The following CAST variants were observed in gnomAD, a reference collection of about 807,000 sequenced individuals.
CAST encodes the protein MIR583 host.
In CAST, 76 loss-of-function variants were observed where a neutral mutation model predicts 119.6. The ratio of observed to expected loss-of-function variants is 0.64; its 90% CI spans 0.53 to 0.77. The LOEUF (loss-of-function observed/expected upper bound fraction) is 0.77, where lower values mean the gene tolerates loss of function less well. Ranked by LOEUF, CAST falls within the 30% of genes least tolerant of loss-of-function variation. The pLI is 0.00. For missense variants in CAST, 953 were observed against 946.5 expected (o/e 1.01, Z -0.09); for synonymous variants, 319 against 331.6 (o/e 0.96, Z 0.41).
the CAST span, among the ~76,000 whole-genome samples, chr5:96,476,269 T>C: frequency 6.6e-6 from 1 of 152,350 alleles, no homozygotes; most frequent in African/African-American, 2.4e-5. Flanking sequence ...TCCATTAGAA[T>C]TATTTTTATT....
At chr5:96,251,096 A>G in the CAST span, among the ~76,000 whole-genome samples, 2 of 152,172 alleles carry the variant, frequency 1.3e-5, no homozygotes. Flanking sequence ...CAGAGCCAAT[A>G]ATCTTAATAT....
intron 3 of CAST, among the ~76,000 whole-genome samples, chr5:96,709,223 G>A (rs1054458408): frequency 3.9e-5 from 6 of 152,242 alleles, no homozygotes; most frequent in African/African-American, 1.4e-4. Flanking sequence ...CTGGACAGGT[G>A]GGCAGTTGTC....
At chr5:96,524,870 G>A (rs1745574324), upstream of CAST, among the ~76,000 whole-genome samples, 1 of 152,162 alleles carries the variant, frequency 6.6e-6, no homozygotes, top group Non-Finnish European at 1.5e-5. Flanking sequence ...GCTATAAAGG[G>A]TAGAGCTCAA....
intron 1 of CAST, among the ~76,000 whole-genome samples, chr5:96,540,060 T>C (rs1010731339): frequency 1.1e-4 from 17 of 152,164 alleles, no homozygotes; most frequent in African/African-American, 3.9e-4. Flanking sequence ...ATATGTGTAG[T>C]ATAAGAATCT....
At chr5:96,476,927 CAAA>C in the CAST span, among the ~76,000 whole-genome samples, 20 of 132,114 alleles carry the variant, frequency 1.5e-4, no homozygotes, top group Non-Finnish European at 2.1e-4. Flanking sequence ...ATGTGGATGG[CAAA>C]AAAAAAAAAA....
chr5:96,352,365 G>A, the CAST span, among the ~76,000 whole-genome samples: 40 of 152,206 alleles, frequency 2.6e-4, no homozygotes, highest in Admixed American at 3.3e-4. Context: ...ATTTGCTTAC[G>A]TTTCATTGCT....
intron 1 of CAST, among the ~76,000 whole-genome samples, chr5:96,611,515 A>C (rs1220744920): frequency 6.6e-6 from 1 of 152,130 alleles, no homozygotes; most frequent in Non-Finnish European, 1.5e-5. Context: ...ACTACAAGAA[A>C]GCCTACAAAA....
the CAST span, among the ~76,000 whole-genome samples, chr5:96,286,247 C>G: frequency 6.6e-6 from 1 of 152,190 alleles, no homozygotes; most frequent in Admixed American, 6.5e-5. Context: ...AGTAACAGTT[C>G]ATTATCTCTC....
the CAST span, among the ~76,000 whole-genome samples, chr5:96,031,584 A>T: frequency 6.6e-6 from 1 of 152,208 alleles, no homozygotes; most frequent in African/African-American, 2.4e-5. Context: ...TTTTATTTTC[A>T]GAACGAGTCC....
chr5:96,313,409 TATC>T, the CAST span, among the ~76,000 whole-genome samples: 2 of 152,154 alleles, frequency 1.3e-5, no homozygotes, highest in African/African-American at 4.8e-5. Flanking sequence ...CTTTTCCAAA[TATC>T]ATATAAATTG....
chr5:96,068,440 C>T, the CAST span, among the ~76,000 whole-genome samples: 1 of 152,050 alleles, frequency 6.6e-6, no homozygotes, highest in Non-Finnish European at 1.5e-5. Context: ...CCTACTGCCT[C>T]ACATTTTTCA....
At chr5:96,301,724 C>T in the CAST span, among the ~76,000 whole-genome samples, 3 of 152,340 alleles carry the variant, frequency 2.0e-5, no homozygotes, top group East Asian at 1.9e-4. Context: ...GTCTCACATC[C>T]GGCCACACTG....
the CAST span, among the ~76,000 whole-genome samples, chr5:96,195,255 T>C: frequency 6.6e-6 from 1 of 152,184 alleles, no homozygotes; most frequent in Non-Finnish European, 1.5e-5. Flanking sequence ...TCATTAGGAA[T>C]GTGGATGGAG....
chr5:96,365,322 T>C, the CAST span, among the ~76,000 whole-genome samples: 1 of 152,248 alleles, frequency 6.6e-6, no homozygotes, highest in Admixed American at 6.5e-5. Flanking sequence ...TGAAGAGTTC[T>C]GTAGATGTCT....
chr5:96,245,312 A>C, the CAST span, among the ~76,000 whole-genome samples: 1 of 152,220 alleles, frequency 6.6e-6, no homozygotes, highest in African/African-American at 2.4e-5. Flanking sequence ...AAATAACCAC[A>C]ATACTAGCCT....
the CAST span, among the ~76,000 whole-genome samples, chr5:96,270,655 A>T: frequency 3.3e-5 from 5 of 152,154 alleles, no homozygotes; most frequent in Non-Finnish European, 7.3e-5. Flanking sequence ...GCACTGAATG[A>T]TGAGAACACA....
the CAST span, among the ~76,000 whole-genome samples, chr5:96,120,312 C>T: frequency 3.3e-5 from 5 of 152,058 alleles, no homozygotes; most frequent in Non-Finnish European, 7.4e-5. Flanking sequence ...GTTGGATTTT[C>T]CTGGTTAATT....
chr5:96,764,653 C>T (rs924758136), intron 25 of CAST, among the ~76,000 whole-genome samples: 2 of 152,172 alleles, frequency 1.3e-5, no homozygotes, highest in African/African-American at 4.8e-5. Context: ...AGCTCCATGG[C>T]TTCCCACAAA....
the CAST span, among the ~76,000 whole-genome samples, chr5:96,502,398 C>T: frequency 1.3e-5 from 2 of 151,982 alleles, no homozygotes; most frequent in Admixed American, 1.3e-4. Flanking sequence ...GAGTTCATAG[C>T]AGTATTTCTT....
Sources: allele counts gnomAD v4.1 joint callset (sites outside exome capture counted in the v4.1 genomes callset), GRCh38; gene constraint gnomAD v4.1.1; transcripts MANE v1.5; gene names NCBI Gene and HGNC (gene_info 2026-07-23, HGNC 2026-07-21).